CASTOR2: variants seen among roughly 807,000 people sequenced by gnomAD.
CASTOR2 encodes the protein GATS protein like 2.
CASTOR2 carries 8 observed loss-of-function variants against 31.2 expected under a neutral mutation model. The ratio of observed to expected loss-of-function variants is 0.26; its 90% CI spans 0.15 to 0.46. The LOEUF is 0.46. CASTOR2 is among the 20% of genes least tolerant of loss of function. The pLI is 0.99. For synonymous variants in CASTOR2, 162 were observed against 158.7 expected (o/e 1.02, Z -0.16); for missense variants, 216 against 382.1 (o/e 0.57, Z 3.62).
At chr7:75,003,121 C>T (rs1387544592) in intron 1 of CASTOR2, among the ~76,000 whole-genome samples, 1 of 151,962 alleles carries the variant, frequency 6.6e-6, no homozygotes, top group African/African-American at 2.4e-5. Context: ...AGATGTAATC[C>T]AAAGGCAAAG....
intron 2 of CASTOR2, among the ~76,000 whole-genome samples, chr7:75,013,545 C>T (rs1283395124): frequency 1.3e-5 from 2 of 151,850 alleles, no homozygotes; most frequent in Non-Finnish European, 2.9e-5. Flanking sequence ...CGGTGGGCTG[C>T]GGTGGGAGGA....
chr7:75,001,513 C>G (rs1424351192), intron 1 of CASTOR2, among the ~76,000 whole-genome samples: 4 of 152,212 alleles, frequency 2.6e-5, no homozygotes, highest in East Asian at 1.9e-4. Flanking sequence ...GGGTGTGGAC[C>G]TGGCCATGAC....
intron 1 of CASTOR2, among the ~76,000 whole-genome samples, chr7:74,987,122 C>T (rs1205686096): frequency 2.0e-5 from 3 of 149,564 alleles, no homozygotes; most frequent in Non-Finnish European, 3.0e-5. Flanking sequence ...AAGCCAGCAC[C>T]GGCCGGGCGC....
chr7:74,972,034 A>G (rs1803688092), intron 1 of CASTOR2, among the ~76,000 whole-genome samples: 1 of 150,472 alleles, frequency 6.6e-6, no homozygotes, highest in Non-Finnish European at 1.5e-5. Flanking sequence ...GCTGGAGTGC[A>G]GTGGCACCAT....
At chr7:75,011,596 C>T (rs1199318439) in intron 2 of CASTOR2, among the ~76,000 whole-genome samples, 9 of 151,252 alleles carry the variant, frequency 6.0e-5, no homozygotes, top group South Asian at 4.2e-4. Context: ...ATTTGCCAGG[C>T]GTGGTGGTGG....
intron 2 of CASTOR2, among the ~76,000 whole-genome samples, chr7:75,010,155 G>A (rs1804704889): frequency 6.6e-6 from 1 of 152,014 alleles, no homozygotes; most frequent in African/African-American, 2.4e-5. Context: ...CTTTCTGGGG[G>A]CTCAAAAGCG....
intron 1 of CASTOR2, among the ~76,000 whole-genome samples, chr7:74,988,914 A>G (rs1290798640): frequency 5.0e-5 from 7 of 139,910 alleles, no homozygotes; most frequent in Non-Finnish European, 3.1e-5. Flanking sequence ...CTGTGTTTCT[A>G]TTACTGTAGA....
At chr7:75,005,319 G>A (rs1429996895) in intron 1 of CASTOR2, among the ~76,000 whole-genome samples, 1 of 152,242 alleles carries the variant, frequency 6.6e-6, no homozygotes, top group East Asian at 1.9e-4. Flanking sequence ...TCTCCAGAAT[G>A]TCATATGAAT....
chr7:75,009,006 G>A (rs1213396209), intron 2 of CASTOR2, among the ~76,000 whole-genome samples: 1 of 152,156 alleles, frequency 6.6e-6, no homozygotes, highest in Non-Finnish European at 1.5e-5. Flanking sequence ...ACCCAGGCTG[G>A]AGTGCAATGG....
chr7:75,013,744 G>T (rs1310792379), intron 2 of CASTOR2, among the ~76,000 whole-genome samples: 6 of 152,110 alleles, frequency 3.9e-5, no homozygotes, highest in Non-Finnish European at 7.4e-5. Context: ...TTACGTGTGT[G>T]TGTGACTGAG....
chr7:74,990,599 A>G (rs1208881530), intron 1 of CASTOR2, among the ~76,000 whole-genome samples: 8 of 151,726 alleles, frequency 5.3e-5, no homozygotes, highest in Admixed American at 1.3e-4. Flanking sequence ...TCACGCCCAT[A>G]ATCCTAGCAC....
chr7:74,985,741 C>A (rs1804047972), intron 1 of CASTOR2, among the ~76,000 whole-genome samples: 2 of 152,154 alleles, frequency 1.3e-5, no homozygotes, highest in East Asian at 3.9e-4. Flanking sequence ...CATGGCAGAA[C>A]CTTCCTTAGG....
intron 2 of CASTOR2, among the ~76,000 whole-genome samples, chr7:75,017,158 A>G (rs1177807609): frequency 1.3e-5 from 2 of 150,600 alleles, no homozygotes; most frequent in East Asian, 2.0e-4. Flanking sequence ...TCAAAAAACA[A>G]TCCCATCCGG....
At chr7:74,970,998 TTTTG>T (rs1335004048) in intron 1 of CASTOR2, among the ~76,000 whole-genome samples, 11 of 149,928 alleles carry the variant, frequency 7.3e-5, no homozygotes, top group Non-Finnish European at 1.3e-4. Flanking sequence ...GCTTTGTGGT[TTTTG>T]TTTGTTTGTT....
chr7:75,007,880 C>G, intron 1 of CASTOR2, 114 bp from the exon 2 acceptor site: 2 of 1,507,034 alleles, frequency 1.3e-6, no homozygotes, highest in Non-Finnish European at 1.8e-6. Flanking sequence ...CCCCAGCAGC[C>G]TGGGGCCGGA....
chr7:75,003,623 G>A (rs1187336780), intron 1 of CASTOR2, among the ~76,000 whole-genome samples: 8 of 151,956 alleles, frequency 5.3e-5, no homozygotes, highest in Non-Finnish European at 2.9e-5. Flanking sequence ...GGTGGCGTGC[G>A]CCTGTAGTCT....
intron 1 of CASTOR2, among the ~76,000 whole-genome samples, chr7:75,006,697 C>T (rs1208032354): frequency 6.6e-6 from 1 of 152,112 alleles, no homozygotes; most frequent in African/African-American, 2.4e-5. Flanking sequence ...GGTGGTCTCC[C>T]TCATACTGTT....
At chr7:75,005,516 T>A (rs1804587556) in intron 1 of CASTOR2, among the ~76,000 whole-genome samples, 1 of 152,214 alleles carries the variant, frequency 6.6e-6, no homozygotes, top group African/African-American at 2.4e-5. Flanking sequence ...TTTGTCCTTT[T>A]TGTTTCCAAT....
intron 1 of CASTOR2, among the ~76,000 whole-genome samples, chr7:74,998,262 G>C (rs1804400986): frequency 6.6e-6 from 1 of 152,198 alleles, no homozygotes; most frequent in Admixed American, 6.6e-5. Flanking sequence ...CCTGTGCTGG[G>C]CATGGCGGCC....
Sources: allele counts gnomAD v4.1 joint callset (sites outside exome capture counted in the v4.1 genomes callset), GRCh38; gene constraint gnomAD v4.1.1; transcripts MANE v1.5; gene names NCBI Gene and HGNC (gene_info 2026-07-23, HGNC 2026-07-21).